Variants in USP34 observed in about 807,000 individuals in gnomAD.
USP34 encodes ubiquitin specific peptidase 34.
A neutral mutation model predicts 460.3 loss-of-function variants in USP34; 70 were observed. The ratio of observed to expected loss-of-function variants is 0.15; its 90% CI spans 0.13 to 0.19. USP34 has a LOEUF of 0.19. USP34 is among the 10% of genes least tolerant of loss of function. The pLI is 1.00. For synonymous variants in USP34, 1,647 were observed against 1,405.3 expected (o/e 1.17, Z -3.85); for missense variants, 3,985 against 4,236.2 (o/e 0.94, Z 1.65).
In USP34 at chr2:61,325,829, G is replaced by A. The variant is rs145793852; in HGVS notation, c.2931-372C>T. Among the ~76,000 whole-genome samples the A allele has an allele frequency of 3.0e-3, 450 of 152,254 alleles. 1 individual carries two copies. Among genetic ancestry groups the A allele is most frequent in the African/African-American group, 9.9e-3 (410 of 41,548 alleles). On this transcript the variant is annotated intron_variant, in intron 20 of 79. Coordinates refer to ENST00000398571, the MANE Select transcript of USP34 (RefSeq NM_014709.4). ...TAAAAAGTACATACTTCATATCATA[G>A]TCCCTTTAGTGATAATATATTCTGT...
At chr2:61,250,966 G>A (rs932198651) in intron 48 of USP34, among the ~76,000 whole-genome samples, 4 of 152,020 alleles carry the variant, frequency 2.6e-5, no homozygotes, top group African/African-American at 7.2e-5. Flanking sequence ...GTGAAACCCC[G>A]TGTCTACTAA....
At chr2:61,442,533 G>A (rs1048507342) in intron 1 of USP34, among the ~76,000 whole-genome samples, 2 of 151,910 alleles carry the variant, frequency 1.3e-5, no homozygotes, top group Non-Finnish European at 2.9e-5. Context: ...TAACCATCAG[G>A]AAAATGCAAA....
chr2:61,239,195 C>T (rs1272788798), intron 53 of USP34, among the ~76,000 whole-genome samples: 1 of 151,834 alleles, frequency 6.6e-6, no homozygotes. Flanking sequence ...ATTAACAACC[C>T]TACAATGGCC....
In USP34 at chr2:61,187,801, G is replaced by C. The variant is rs1260235892; in HGVS notation, c.*301C>G. ...AAATGCTGTAAGTTTAAATTACATT[G>C]TACAGGGCTAGGCAACCCTGTTCTT... On this transcript the variant is annotated 3_prime_UTR_variant, in exon 80 of 80. Transcript: ENST00000398571. 1 of 900,766 alleles carries C rather than the reference G, an allele frequency of 1.1e-6. No individual in the cohort carries two copies. Among genetic ancestry groups the C allele is most frequent in the Non-Finnish European group, 1.5e-6 (1 of 689,544 alleles). The allele number at this position is 900,766 out of a possible 1,614,324, so 55.8% of individuals were successfully genotyped here.
rs151007157 is a variant in USP34 at position 61,325,332 on chromosome 2, T to C, written c.3013+43A>G. ...GCAAAAGTAAATTTAGTTCTTCCAA[T>C]AGTCAAAACAGATTTTTAAAAAGTA... On this transcript the variant is annotated intron_variant, in intron 21 of 79. Transcript: ENST00000398571. 4.7e-3 allele frequency: 5,980 copies of C among 1,285,350 alleles called. 35 individuals carry two copies. The highest frequency in any genetic ancestry group is 5.6e-3 in the Non-Finnish European group (5,233 of 934,182). The allele number at this position is 1,285,350 out of a possible 1,614,324, so 79.6% of individuals were successfully genotyped here. A position where few individuals can be genotyped will look rare whatever the true frequency, so the allele number is the denominator to read the frequency against.
At chr2:61,248,185 CAAAAAA>C (rs11339335) in intron 49 of USP34, among the ~76,000 whole-genome samples, 22 of 69,566 alleles carry the variant, frequency 3.2e-4, no homozygotes, top group Non-Finnish European at 2.5e-4. Flanking sequence ...CTCAGAAGAC[CAAAAAA>C]AAAAAAAAAA....
At chr2:61,400,549 A>G (rs1428979784) in intron 3 of USP34, among the ~76,000 whole-genome samples, 1 of 152,126 alleles carries the variant, frequency 6.6e-6, no homozygotes, top group Non-Finnish European at 1.5e-5. Flanking sequence ...CGTTGGTATT[A>G]TTCTAAAAAA....
At chr2:61,223,671 T>C in intron 62 of USP34, 1 of 189,768 alleles carries the variant, frequency 5.3e-6, no homozygotes, top group Non-Finnish European at 1.1e-5. Flanking sequence ...ATTTCTTCCT[T>C]TTTTTCTTTC....
At chr2:61,451,587 C>A (rs1249014716) in intron 1 of USP34, among the ~76,000 whole-genome samples, 1 of 151,706 alleles carries the variant, frequency 6.6e-6, no homozygotes, top group East Asian at 1.9e-4. Flanking sequence ...AAGGTTGAGG[C>A]AGGAGAATCG....
intron 34 of USP34, among the ~76,000 whole-genome samples, chr2:61,286,087 T>G (rs1689681307): frequency 2.0e-5 from 3 of 152,128 alleles, no homozygotes. Flanking sequence ...GTGAGAAAAC[T>G]TCCAGAAAAA....
At chr2:61,392,722 AAAC>A (rs891065910) in intron 5 of USP34, among the ~76,000 whole-genome samples, 5 of 152,236 alleles carry the variant, frequency 3.3e-5, no homozygotes, top group African/African-American at 1.2e-4. Flanking sequence ...CTAGACTGTT[AAAC>A]AAGAATTAGT....
At position 61,405,828 on chromosome 2, in the gene USP34, A is replaced by T; in HGVS notation, c.432T>A (p.Asp144Glu). 2 of 1,613,834 alleles carry T rather than the reference A, an allele frequency of 1.2e-6. No homozygotes were observed. The highest frequency in any genetic ancestry group is 1.7e-6 in the Non-Finnish European group (2 of 1,179,946). ...CATCTGTACTCCATAAACTAAAAGG[A>T]TCAGAACTCTTTGAAGATTCCTCCT... ...LTEEESSKSSDPFSLWSTDEK... is the reference protein window; with the variant it reads ...LTEEESSKSSEPFSLWSTDEK... The change falls in exon 3 of 80, where the codon GAT (aspartate) becomes GAA (glutamate). Residue 144 changes from aspartate to glutamate, a missense_variant. By Grantham distance (45) the Asp-to-Glu change is conservative. This residue lies in a region of USP34 where 331 missense variants were observed against 293.7 expected (regional missense o/e 1.13). Coordinates refer to ENST00000398571, the MANE Select transcript of USP34 (RefSeq NM_014709.4).
At chr2:61,453,406 CCT>C (rs2104072662) in intron 1 of USP34, among the ~76,000 whole-genome samples, 1 of 150,550 alleles carries the variant, frequency 6.6e-6, no homozygotes, top group African/African-American at 2.4e-5. Context: ...AGAGTAAGAC[CCT>C]GTCTCAAAAA....
Position 61,214,268 on chromosome 2 carries a change from ACC to A in USP34, c.8472_8473del (p.Val2825AsnfsTer12). On this transcript the variant is annotated frameshift_variant, in exon 68 of 80. Transcript: ENST00000398571. LOFTEE classifies it high-confidence loss of function. Reference sequence around the variant, plus strand: ...GTAATTGAAGGCAATGTTCTTGGTTACCACTGGGTTCTGAACAATAAGGCGGA... The same window carrying A: ...GTAATTGAAGGCAATGTTCTTGGTTAACTGGGTTCTGAACAATAAGGCGGA... The A allele has an allele frequency of 6.2e-7, 1 of 1,614,244 alleles. No individual in the cohort carries two copies. Among genetic ancestry groups the A allele is most frequent in the Non-Finnish European group, 8.5e-7 (1 of 1,180,048 alleles).
intron 67 of USP34, 159 bp downstream of exon 67, chr2:61,220,151 T>TAAAAAAAA (rs60784334): frequency 5.9e-5 from 10 of 169,430 alleles, no homozygotes; most frequent in Admixed American, 2.6e-4. Context: ...TTTCCTATCC[T>TAAAAAAAA]AAAAAAAAAA....
chr2:61,193,054 CA>C, intron 75 of USP34, 74 bp from the exon 76 acceptor site: 2 of 1,177,758 alleles, frequency 1.7e-6, no homozygotes, highest in Non-Finnish European at 2.5e-6. Flanking sequence ...TCTGCAGGTA[CA>C]ATATTACAGC....
At chr2:61,368,590 A>C (rs1315181521) in intron 10 of USP34, among the ~76,000 whole-genome samples, 3 of 152,238 alleles carry the variant, frequency 2.0e-5, no homozygotes, top group Non-Finnish European at 4.4e-5. Flanking sequence ...CAGTCAAGAA[A>C]AAATTGGTAT....
intron 72 of USP34, among the ~76,000 whole-genome samples, chr2:61,204,982 G>T (rs1414650247): frequency 6.6e-6 from 1 of 152,036 alleles, no homozygotes; most frequent in Non-Finnish European, 1.5e-5. Flanking sequence ...AGGCTCCCAA[G>T]TAGCTGAAAC....
chr2:61,391,027 G>A (rs915922141), intron 5 of USP34, among the ~76,000 whole-genome samples: 4 of 151,940 alleles, frequency 2.6e-5, no homozygotes, highest in African/African-American at 4.8e-5. Context: ...TCTGGGAGGC[G>A]GAGGCTGAGG....
Sources: gnomAD v4.1 joint callset for allele counts (sites outside exome capture counted in the v4.1 genomes callset) on GRCh38, gnomAD v4.1.1 for gene constraint, gnomAD v4.1.1 regional missense constraint, MANE v1.5 for transcripts, NCBI Gene and HGNC (gene_info 2026-07-23, HGNC 2026-07-21) for gene names.